SLC1A3: variants seen among roughly 807,000 people sequenced by gnomAD.
The protein encoded by SLC1A3 is excitatory amino acid transporter 1.
Under a neutral mutation model 48.1 loss-of-function variants are expected in SLC1A3, and 21 were observed. The observed-to-expected ratio is 0.44, with a 90% confidence interval of 0.31 to 0.63. The LOEUF is 0.63. SLC1A3 is among the 20% of genes least tolerant of loss of function. The pLI is 0.08. For missense variants in SLC1A3, 546 were observed against 689.0 expected (o/e 0.79, Z 2.32); for synonymous variants, 239 against 251.4 (o/e 0.95, Z 0.47).
chr5:36,672,961 T>C (rs2111938302), intron 4 of SLC1A3, among the ~76,000 whole-genome samples: 1 of 152,312 alleles, frequency 6.6e-6, no homozygotes, highest in South Asian at 2.1e-4. Flanking sequence ...GTTTGAAGAA[T>C]TGGAATCTTG....
intron 3 of SLC1A3, among the ~76,000 whole-genome samples, chr5:36,633,890 G>A (rs1441757175): frequency 2.6e-5 from 4 of 152,198 alleles, no homozygotes; most frequent in Non-Finnish European, 5.9e-5. Flanking sequence ...GTCATGTGAA[G>A]GAGATAAGTA....
chr5:36,632,523 T>C (rs1020745202), intron 3 of SLC1A3, among the ~76,000 whole-genome samples: 2 of 152,200 alleles, frequency 1.3e-5, no homozygotes, highest in Non-Finnish European at 2.9e-5. Context: ...ATAACTGCAT[T>C]GTGTAGTAGC....
intron 3 of SLC1A3, among the ~76,000 whole-genome samples, chr5:36,663,255 C>T (rs962639679): frequency 1.3e-5 from 2 of 151,920 alleles, no homozygotes; most frequent in African/African-American, 2.4e-5. Flanking sequence ...TCGCTCTGTC[C>T]CCCAGGCTGG....
At chr5:36,641,825 A>AAT (rs1176220851) in intron 3 of SLC1A3, among the ~76,000 whole-genome samples, 7 of 152,354 alleles carry the variant, frequency 4.6e-5, no homozygotes, top group African/African-American at 1.4e-4. Flanking sequence ...TGAATTCTAT[A>AAT]ATATAAAGTA....
At chr5:36,651,141 T>TA (rs58660599) in intron 3 of SLC1A3, among the ~76,000 whole-genome samples, 23 of 114,570 alleles carry the variant, frequency 2.0e-4, no homozygotes, top group East Asian at 1.5e-3. Flanking sequence ...AAGTTTTTTT[T>TA]AAAAAAAAAA....
At chr5:36,636,574 CCTTT>C (rs371366400) in intron 3 of SLC1A3, among the ~76,000 whole-genome samples, 8 of 143,856 alleles carry the variant, frequency 5.6e-5, no homozygotes, top group African/African-American at 1.5e-4. Flanking sequence ...CCCCTTCCTT[CCTTT>C]CTTTTTCTTC....
intron 3 of SLC1A3, among the ~76,000 whole-genome samples, chr5:36,662,412 C>T (rs537402507): frequency 5.6e-4 from 86 of 152,250 alleles, no homozygotes; most frequent in African/African-American, 2.0e-3. Context: ...CCTTTGTGCT[C>T]GGCTGTTACA....
At chr5:36,677,899 T>C (rs1043097191) in intron 6 of SLC1A3, among the ~76,000 whole-genome samples, 1 of 152,228 alleles carries the variant, frequency 6.6e-6, no homozygotes. Flanking sequence ...GCAGTTCTGC[T>C]GCAATATCTA....
chr5:36,605,536 A>T (rs1738898302), upstream of SLC1A3, among the ~76,000 whole-genome samples: 1 of 152,190 alleles, frequency 6.6e-6, no homozygotes, highest in African/African-American at 2.4e-5. Flanking sequence ...GAAAAAAGAC[A>T]TACTTTCTTG....
intron 2 of SLC1A3, chr5:36,609,258 T>C (rs919068651): frequency 8.8e-5 from 82 of 935,924 alleles, no homozygotes; most frequent in Non-Finnish European, 1.0e-4. Context: ...CAATCTGTAC[T>C]AATAAAATAT....
chr5:36,653,909 T>C (rs921493692), intron 3 of SLC1A3, among the ~76,000 whole-genome samples: 9 of 152,264 alleles, frequency 5.9e-5, no homozygotes, highest in African/African-American at 2.2e-4. Flanking sequence ...AGTGGTGCGA[T>C]CTTGGCTCAC....
intron 8 of SLC1A3, among the ~76,000 whole-genome samples, chr5:36,683,134 A>G (rs911482802): frequency 2.6e-5 from 4 of 152,234 alleles, no homozygotes; most frequent in Non-Finnish European, 4.4e-5. Context: ...ATGTTCAGTA[A>G]CTTTACAACC....
At chr5:36,634,199 C>T (rs1247284013) in intron 3 of SLC1A3, among the ~76,000 whole-genome samples, 1 of 151,936 alleles carries the variant, frequency 6.6e-6, no homozygotes, top group East Asian at 1.9e-4. Context: ...TCACTTGAAC[C>T]CAGGAGGCTG....
intron 2 of SLC1A3, among the ~76,000 whole-genome samples, chr5:36,618,151 G>A (rs976296745): frequency 6.6e-6 from 1 of 152,130 alleles, no homozygotes; most frequent in African/African-American, 2.4e-5. Context: ...GTAGATGCAG[G>A]TATCTCCCTG....
At chr5:36,640,704 TC>T (rs542547477) in intron 3 of SLC1A3, among the ~76,000 whole-genome samples, 16 of 152,192 alleles carry the variant, frequency 1.1e-4, no homozygotes, top group African/African-American at 3.9e-4. Flanking sequence ...GCTTCCTAGA[TC>T]CAGGCTGTTA....
upstream of SLC1A3, chr5:36,606,556 A>C (rs904469952): frequency 6.6e-6 from 1 of 152,212 alleles, no homozygotes; most frequent in African/African-American, 2.4e-5. Flanking sequence ...TTTCCCGGGC[A>C]CAGACTCCTC....
intron 3 of SLC1A3, among the ~76,000 whole-genome samples, chr5:36,642,373 C>T (rs749779939): frequency 3.3e-5 from 5 of 152,214 alleles, no homozygotes; most frequent in Non-Finnish European, 5.9e-5. Flanking sequence ...GTACTCAAAA[C>T]ATACTTGCTG....
At chr5:36,627,509 C>A (rs1739957423) in intron 2 of SLC1A3, among the ~76,000 whole-genome samples, 1 of 150,800 alleles carries the variant, frequency 6.6e-6, no homozygotes, top group African/African-American at 2.5e-5. Context: ...AAAAAAAAAT[C>A]CCAGATGTAA....
intron 5 of SLC1A3, among the ~76,000 whole-genome samples, chr5:36,674,542 T>C (rs1054000582): frequency 3.3e-5 from 5 of 151,780 alleles, no homozygotes; most frequent in Admixed American, 6.6e-5. Context: ...TAATGGACTC[T>C]AAAGGAGAGC....
Sources: allele counts gnomAD v4.1 joint callset (sites outside exome capture counted in the v4.1 genomes callset), GRCh38; gene constraint gnomAD v4.1.1; transcripts MANE v1.5; gene names NCBI Gene and HGNC (gene_info 2026-07-23, HGNC 2026-07-21).